NUP188: variants seen among roughly 807,000 people sequenced by gnomAD.
NUP188 encodes the protein nucleoporin 188.
A neutral mutation model predicts 223.0 loss-of-function variants in NUP188; 97 were observed. That is an observed-to-expected ratio of 0.43 (90% CI 0.37 to 0.51). The LOEUF (loss-of-function observed/expected upper bound fraction) is 0.51. Among genes scored for constraint, NUP188 ranks in the 20% least tolerant of loss-of-function variants. The pLI, the probability that NUP188 is intolerant of heterozygous loss-of-function variation, is 0.00. For missense variants in NUP188, 1,947 were observed against 2,175.6 expected, an observed-to-expected ratio of 0.89 and a Z score of 2.09; for synonymous variants, 869 against 828.0, an observed-to-expected ratio of 1.05 and a Z score of -0.85.
intron 12 of NUP188, among the ~76,000 whole-genome samples, chr9:128,977,676 A>G (rs994671441): frequency 6.6e-6 from 1 of 151,780 alleles, no homozygotes; most frequent in Admixed American, 6.6e-5. Flanking sequence ...GTGGGCACCT[A>G]TAATCCCAGT....
Position 128,947,759 on chromosome 9 carries a change from G to A in NUP188, c.32+8G>A. On this transcript the variant is annotated splice_region_variant and intron_variant, in intron 1 of 43. Transcript: ENST00000372577. ...CGGCGGGCCGTGTGTGAGGTGCGGA[G>A]CGGGTCGAATGGACCGGGGTGGCTG... 1.4e-6 allele frequency: 2 copies of A among 1,459,354 alleles called. No individual in the cohort carries two copies. The highest frequency in any genetic ancestry group is 2.7e-5 in the East Asian group (1 of 37,290). The allele number at this position is 1,459,354 out of a possible 1,614,324, so 90.4% of individuals were successfully genotyped here.
In NUP188 at chr9:128,982,962, G is replaced by A. The variant is rs1427474558; in HGVS notation, c.1730G>A (p.Ser577Asn). 6.2e-7 allele frequency: 1 copy of A among 1,613,982 alleles called. No homozygotes were observed. Among genetic ancestry groups the A allele is most frequent in the East Asian group, 2.2e-5 (1 of 44,892 alleles). ...PIIDLVHKVI[S>N]TDLSIADCLL... ...ATTGATCTCGTCCATAAGGTCATCAGTACAGACCTGTCGATAGCAGACTGT... is the reference window on the plus strand; with the variant it reads ...ATTGATCTCGTCCATAAGGTCATCAATACAGACCTGTCGATAGCAGACTGT... Residue 577 changes from serine (S) to asparagine (N), a missense_variant, in exon 17 of 44, where the codon AGT becomes AAT. By Grantham distance (46) the Ser-to-Asn change is conservative. This residue lies in a region of NUP188 where 817 missense variants were observed against 865.8 expected (regional missense o/e 0.94). Transcript: ENST00000372577.
intron 15 of NUP188, 70 bp downstream of exon 15, chr9:128,981,460 T>C (rs1842253545): frequency 2.7e-6 from 4 of 1,463,242 alleles, no homozygotes; most frequent in Non-Finnish European, 3.7e-6. Flanking sequence ...TCACCCAAGC[T>C]GGAGTGCAGT....
At chr9:128,950,033 C>T (rs1452419086) in intron 2 of NUP188, among the ~76,000 whole-genome samples, 1 of 149,522 alleles carries the variant, frequency 6.7e-6, no homozygotes, top group East Asian at 2.0e-4. Context: ...AGTGATTCTC[C>T]TGCCTCAGCC....
intron 11 of NUP188, among the ~76,000 whole-genome samples, chr9:128,972,259 A>G (rs1042061704): frequency 1.3e-5 from 2 of 152,240 alleles, no homozygotes; most frequent in Admixed American, 6.5e-5. Context: ...GAATATTTAT[A>G]TACTGCTAAA....
At chr9:128,959,215 G>GCCGAGAT in intron 8 of NUP188, 81 bp downstream of exon 8, 1 of 1,131,554 alleles carries the variant, frequency 8.8e-7, no homozygotes, top group Non-Finnish European at 1.2e-6. Context: ...GAGTGCAGTG[G>GCCGAGAT]CATGATCTCG....
chr9:128,975,682 G>A (rs115531436), intron 12 of NUP188, among the ~76,000 whole-genome samples: 115 of 151,756 alleles, frequency 7.6e-4, no homozygotes, highest in African/African-American at 2.7e-3. Context: ...ACCACGTCTG[G>A]CGAATTTTTG....
At chr9:128,994,099 T>TC (rs1207773031) in intron 27 of NUP188, among the ~76,000 whole-genome samples, 1 of 152,194 alleles carries the variant, frequency 6.6e-6, no homozygotes, top group Non-Finnish European at 1.5e-5. Flanking sequence ...TTTCCCTCCC[T>TC]CCTCTTCTGT....
Position 128,967,014 on chromosome 9 carries a change from T to G in NUP188, c.586-1492T>G, listed in dbSNP as rs140782117. On this transcript the variant is annotated intron_variant, in intron 8 of 43. Coordinates refer to ENST00000372577, the MANE Select transcript of NUP188 (RefSeq NM_015354.3). Reference sequence around the variant, plus strand: ...AAAGGATTAAAAATAGGGAGGGTTTTTGTGTGTGTGTGTGACAGAGTCTCA... The same window carrying G: ...AAAGGATTAAAAATAGGGAGGGTTTGTGTGTGTGTGTGTGACAGAGTCTCA... Among the ~76,000 whole-genome samples, 13 of 151,820 alleles carry G rather than the reference T, an allele frequency of 8.6e-5. No individual in the cohort carries two copies. In the East Asian group the frequency reaches 1.4e-3, roughly 16 times the overall value.
intron 12 of NUP188, among the ~76,000 whole-genome samples, chr9:128,974,357 T>G (rs1241356507): frequency 6.6e-6 from 1 of 151,678 alleles, no homozygotes; most frequent in Non-Finnish European, 1.5e-5. Flanking sequence ...AGACATTTGT[T>G]GGTGCTAGTA....
chr9:128,963,947 G>A (rs1345274370), intron 8 of NUP188, among the ~76,000 whole-genome samples: 1 of 151,992 alleles, frequency 6.6e-6, no homozygotes, highest in African/African-American at 2.4e-5. Flanking sequence ...CTCCCGAGTA[G>A]CTGGGACTAC....
chr9:128,991,843 A>T (rs577226312), intron 25 of NUP188, among the ~76,000 whole-genome samples: 7 of 151,962 alleles, frequency 4.6e-5, no homozygotes, highest in Admixed American at 4.6e-4. Context: ...AAAAAAAAAA[A>T]AAAGTATTTG....
At chr9:128,980,753 A>G in intron 14 of NUP188, 28 bp downstream of exon 14, 1 of 1,609,710 alleles carries the variant, frequency 6.2e-7, no homozygotes, top group East Asian at 2.2e-5. Flanking sequence ...ATAAGTAAAG[A>G]GAATGGGAGA....
rs1384847724 is a variant in NUP188, at chr9:128,959,066, T to C, written c.517T>C (p.Tyr173His). ...DKLEKELVSK[Y>H]RQQFEELYKT... ...ATTGGAGAAGGAACTAGTTTCAAAA[T>C]ACAGACAGCAGTTCGAAGAGCTTTA... Residue 173 changes from tyrosine (Y) to histidine (H), a missense_variant, in exon 8 of 44, where the codon TAC becomes CAC. Transcript: ENST00000372577. 3.7e-6 allele frequency: 6 copies of C among 1,602,384 alleles called. No individual in the cohort carries two copies. In the East Asian group the frequency reaches 1.1e-4, roughly 30 times the overall value.
chr9:129,006,170 G>A (rs1445574339), intron 42 of NUP188, 47 bp downstream of exon 42: 1 of 1,613,926 alleles, frequency 6.2e-7, no homozygotes, highest in East Asian at 2.2e-5. Flanking sequence ...GCAGTCATGG[G>A]CCCACTGTTC....
In NUP188 at chr9:129,002,805, T is replaced by TTTGTATCTTA; in HGVS notation, c.4138-11_4138-2dup. The TTTGTATCTTA allele has an allele frequency of 6.2e-7, 1 of 1,612,804 alleles. No homozygotes were observed. The highest frequency in any genetic ancestry group is 8.5e-7 in the Non-Finnish European group (1 of 1,179,292). On this transcript the variant is annotated splice_polypyrimidine_tract_variant and intron_variant, in intron 36 of 43. Transcript: ENST00000372577. The stretch of plus-strand genomic sequence containing the variant: ...GCAGGGTTCCTGAGCTTGTCTGCTG[T>TTTGTATCTTA]TTGTATCTTAGACACCTAGTGCCTC...
At chr9:129,005,891 T>G in intron 41 of NUP188, 115 bp downstream of exon 41, 2 of 1,442,518 alleles carry the variant, frequency 1.4e-6, no homozygotes, top group East Asian at 4.6e-5. Flanking sequence ...AGCCTGCTCC[T>G]CTCTGTAAAC....
intron 15 of NUP188, among the ~76,000 whole-genome samples, chr9:128,981,894 A>G (rs1842259280): frequency 1.3e-5 from 2 of 152,108 alleles, no homozygotes; most frequent in Admixed American, 1.3e-4. Flanking sequence ...CCTGACCAAC[A>G]TGGAGAAACC....
intron 25 of NUP188, among the ~76,000 whole-genome samples, chr9:128,992,586 C>T (rs1310133533): frequency 6.6e-6 from 1 of 152,144 alleles, no homozygotes; most frequent in Non-Finnish European, 1.5e-5. Flanking sequence ...TTTGGACTTC[C>T]TTCATTCTTT....
Sources: allele counts gnomAD v4.1 joint callset (sites outside exome capture counted in the v4.1 genomes callset), GRCh38; gene constraint gnomAD v4.1.1; regional missense constraint gnomAD v4.1.1; transcripts MANE v1.5; gene names NCBI Gene and HGNC (gene_info 2026-07-23, HGNC 2026-07-21).